CADPS2: variants seen among roughly 807,000 people sequenced by gnomAD.
The protein encoded by CADPS2 is calcium dependent secretion activator 2.
A neutral mutation model predicts 172.5 loss-of-function variants in CADPS2; 93 were observed. The observed-to-expected ratio is 0.54, with a 90% CI of 0.46 to 0.64. The LOEUF is 0.64. Ranked by LOEUF, CADPS2 falls within the 30% of genes least tolerant of loss-of-function variation. CADPS2 has a pLI of 0.00. For missense variants in CADPS2, 1,420 were observed against 1,565.9 expected (o/e 0.91, Z 1.57); for synonymous variants, 546 against 555.2 (o/e 0.98, Z 0.23).
At chr7:122,802,617 C>T (rs1589288042) in intron 1 of CADPS2, among the ~76,000 whole-genome samples, 1 of 152,208 alleles carries the variant, frequency 6.6e-6, no homozygotes, top group Non-Finnish European at 1.5e-5. Flanking sequence ...CTCTAGCACT[C>T]CCATCAGAAC....
intron 20 of CADPS2, 98 bp downstream of exon 20, chr7:122,407,442 T>C (rs2046787376): frequency 6.9e-6 from 9 of 1,306,948 alleles, no homozygotes; most frequent in African/African-American, 1.5e-5. Flanking sequence ...ATGCGAACTC[T>C]TGTCAGGCCG....
intron 1 of CADPS2, among the ~76,000 whole-genome samples, chr7:122,836,968 A>C (rs1808666038): frequency 6.6e-6 from 1 of 152,206 alleles, no homozygotes; most frequent in Non-Finnish European, 1.5e-5. Flanking sequence ...AAATCAACAG[A>C]ATATACATTC....
At chr7:122,848,298 T>C (rs1335586927) in intron 1 of CADPS2, among the ~76,000 whole-genome samples, 1 of 152,172 alleles carries the variant, frequency 6.6e-6, no homozygotes, top group Non-Finnish European at 1.5e-5. Context: ...CAGAGGTCAC[T>C]GCTGGAACAA....
chr7:122,491,449 T>G (rs956371461), intron 9 of CADPS2, 29 bp from the exon 10 acceptor site: 2 of 1,297,570 alleles, frequency 1.5e-6, no homozygotes, highest in Middle Eastern at 1.9e-4. Context: ...GTTTACAGAT[T>G]AGTCACATTA....
intron 6 of CADPS2, among the ~76,000 whole-genome samples, chr7:122,614,701 T>C (rs1457242442): frequency 2.0e-5 from 3 of 152,168 alleles, no homozygotes; most frequent in African/African-American, 7.2e-5. Context: ...GCTCTGAATA[T>C]CGTGCGGTAG....
intron 5 of CADPS2, among the ~76,000 whole-genome samples, chr7:122,618,598 C>A (rs2075234669): frequency 6.6e-6 from 1 of 152,086 alleles, no homozygotes; most frequent in Admixed American, 6.6e-5. Context: ...CAGTATAGTT[C>A]TTAGAAAAGA....
chr7:122,634,759 A>C (rs2076901446), intron 3 of CADPS2, among the ~76,000 whole-genome samples: 1 of 151,988 alleles, frequency 6.6e-6, no homozygotes, highest in Non-Finnish European at 1.5e-5. Flanking sequence ...TTAATTTGAG[A>C]TCTTCCTAAC....
chr7:122,536,519 T>C (rs1262936887), intron 8 of CADPS2, among the ~76,000 whole-genome samples: 1 of 152,096 alleles, frequency 6.6e-6, no homozygotes, highest in Non-Finnish European at 1.5e-5. Context: ...GATGAAAAAG[T>C]ACCCAATCCA....
At chr7:122,639,795 G>A (rs1304320223) in intron 3 of CADPS2, among the ~76,000 whole-genome samples, 2 of 152,072 alleles carry the variant, frequency 1.3e-5, no homozygotes, top group Admixed American at 6.6e-5. Context: ...TCCCTTGAGC[G>A]CTCATAAACA....
rs184282404 is a variant in CADPS2 at position 122,521,481 on chromosome 7, G to T, written c.1476-8166C>A. Among the ~76,000 whole-genome samples, 411 of 137,372 alleles carry T rather than the reference G, an allele frequency of 3.0e-3. 5 individuals carry two copies. The East Asian group carries it at 0.059, about 20-fold the overall frequency. 90.1% of individuals were successfully genotyped at this position (137,372 alleles called of 152,430 possible). ...GATTAAGACTTTTTTGCGGGGGGGT[G>T]AGGTGGGGGGGCTTGTTTCAACTAA... On this transcript the variant is annotated intron_variant, in intron 8 of 29. Coordinates refer to ENST00000449022, the MANE Select transcript of CADPS2 (RefSeq NM_017954.11).
At chr7:122,802,736 C>T (rs979545719) in intron 1 of CADPS2, among the ~76,000 whole-genome samples, 1 of 152,134 alleles carries the variant, frequency 6.6e-6, no homozygotes, top group Non-Finnish European at 1.5e-5. Flanking sequence ...AAGCACGTGT[C>T]TACTTTCACC....
At chr7:122,726,007 T>C (rs980024974) in intron 2 of CADPS2, among the ~76,000 whole-genome samples, 3 of 151,930 alleles carry the variant, frequency 2.0e-5, no homozygotes, top group Non-Finnish European at 4.4e-5. Flanking sequence ...AGTTTGAATT[T>C]TTTTTTTCAA....
At chr7:122,331,596 G>A (rs1368089576) in intron 28 of CADPS2, among the ~76,000 whole-genome samples, 1 of 152,166 alleles carries the variant, frequency 6.6e-6, no homozygotes, top group Non-Finnish European at 1.5e-5. Flanking sequence ...CTGAGATCAC[G>A]CCACTGCACT....
chr7:122,829,537 A>C (rs964964628), intron 1 of CADPS2, among the ~76,000 whole-genome samples: 3 of 152,330 alleles, frequency 2.0e-5, no homozygotes, highest in Non-Finnish European at 4.4e-5. Context: ...ATGGAAAAAA[A>C]GGTAAATGTT....
At chr7:122,798,599 A>G (rs1281582547) in intron 1 of CADPS2, among the ~76,000 whole-genome samples, 1 of 152,154 alleles carries the variant, frequency 6.6e-6, no homozygotes, top group Admixed American at 6.5e-5. Flanking sequence ...TCTTTCTGAC[A>G]AAAGTCTCAA....
chr7:122,393,155 C>G (rs752452535), intron 22 of CADPS2, 41 bp downstream of exon 22: 2 of 1,605,690 alleles, frequency 1.2e-6, no homozygotes, highest in South Asian at 2.2e-5. Flanking sequence ...AGGCCATGCA[C>G]CAGCTAACAC....
chr7:122,723,927 G>A (rs1326378548), intron 2 of CADPS2, among the ~76,000 whole-genome samples: 4 of 151,116 alleles, frequency 2.6e-5, no homozygotes, highest in South Asian at 4.2e-4. Context: ...CTGTCACAAG[G>A]ACAGAAATCC....
chr7:122,524,583 T>G (rs925108482), intron 8 of CADPS2, among the ~76,000 whole-genome samples: 3 of 152,162 alleles, frequency 2.0e-5, no homozygotes, highest in Admixed American at 6.6e-5. Context: ...TAAGGACTTC[T>G]AAGAGCCTGT....
rs1284921730 is a variant in CADPS2 at position 122,541,829 on chromosome 7, A to G, written c.1475+12721T>C. ...TATTTATATATTCATATGTTTATAT[A>G]TTCATATGTTTATATATTCATATAT... On this transcript the variant is annotated intron_variant, in intron 8 of 29. Coordinates refer to ENST00000449022, the MANE Select transcript of CADPS2 (RefSeq NM_017954.11). 8.6e-5 allele frequency among the ~76,000 whole-genome samples: 10 copies of G among 116,188 alleles called. No individual in the cohort carries two copies. The East Asian group carries it at 1.6e-3, about 19-fold the overall frequency. 76.2% of individuals were successfully genotyped at this position (116,188 alleles called of 152,430 possible). A position where few individuals can be genotyped will look rare whatever the true frequency, so the allele number is the denominator to read the frequency against.
Sources: gnomAD v4.1 joint callset for allele counts (sites outside exome capture counted in the v4.1 genomes callset) on GRCh38, gnomAD v4.1.1 for gene constraint, MANE v1.5 for transcripts, NCBI Gene and HGNC (gene_info 2026-07-23, HGNC 2026-07-21) for gene names.